Variants in SEMA3A observed in about 807,000 individuals in gnomAD.
The protein encoded by SEMA3A is semaphorin-3A.
A neutral mutation model predicts 97.9 loss-of-function variants in SEMA3A; 29 were observed. The observed-to-expected ratio is 0.30, with a 90% CI of 0.22 to 0.40. SEMA3A has a LOEUF of 0.40. SEMA3A is among the 10% of genes least tolerant of loss of function. The pLI, the probability that SEMA3A is intolerant of heterozygous loss-of-function variation, is 1.00. For missense variants in SEMA3A, 763 were observed against 951.3 expected (o/e 0.80, Z 2.60); for synonymous variants, 321 against 323.7 (o/e 0.99, Z 0.09).
In SEMA3A at chr7:83,971,291, G is replaced by C. The variant is rs529876381; in HGVS notation, c.1717+5841C>G. Among the ~76,000 whole-genome samples, 52 of 152,114 alleles carry C rather than the reference G, an allele frequency of 3.4e-4. 1 individual carries two copies. In the South Asian group the frequency reaches 0.011, roughly 31 times the overall value. On this transcript the variant is annotated intron_variant, in intron 15 of 16. Transcript: ENST00000265362. Reference sequence around the variant, plus strand: ...AAAAGAAAAATACAAAATTAGCTGGGCATGGTAGTGCATGCCTGTAATCCC... The same window carrying C: ...AAAAGAAAAATACAAAATTAGCTGGCCATGGTAGTGCATGCCTGTAATCCC...
At chr7:84,176,337 G>T (rs1797565021) in intron 1 of SEMA3A, among the ~76,000 whole-genome samples, 1 of 152,158 alleles carries the variant, frequency 6.6e-6, no homozygotes, top group Admixed American at 6.5e-5. Context: ...CTGGAATGAA[G>T]ATCAGAGGGG....
intron 2 of SEMA3A, among the ~76,000 whole-genome samples, chr7:84,310,971 C>A (rs1356685584): frequency 6.8e-6 from 1 of 146,756 alleles, no homozygotes; most frequent in Non-Finnish European, 1.5e-5. Context: ...TGCAGATTTC[C>A]AAGTGATTTT....
intron 1 of SEMA3A, among the ~76,000 whole-genome samples, chr7:84,488,347 C>T (rs200634377): frequency 6.6e-6 from 1 of 151,588 alleles, no homozygotes; most frequent in Non-Finnish European, 1.5e-5. Flanking sequence ...CACACACACA[C>T]ACATATATAT....
intron 1 of SEMA3A, among the ~76,000 whole-genome samples, chr7:84,382,702 CAAAA>C (rs377120252): frequency 0.19 from 15,824 of 81,166 alleles, 1,543 homozygotes; most frequent in East Asian, 0.44. Context: ...ACTAAAAATC[CAAAA>C]AAAAAAAAAA....
chr7:84,363,679 C>G (rs1235892914), intron 2 of SEMA3A, among the ~76,000 whole-genome samples: 1 of 151,844 alleles, frequency 6.6e-6, no homozygotes, highest in Non-Finnish European at 1.5e-5. Flanking sequence ...GTAACTTTCA[C>G]AACTATTCTG....
At chr7:84,224,648 A>G (rs991257630) in intron 3 of SEMA3A, among the ~76,000 whole-genome samples, 12 of 152,072 alleles carry the variant, frequency 7.9e-5, no homozygotes. Flanking sequence ...CAGTGTGAGG[A>G]AAGAGAGAGA....
At chr7:84,026,069 A>C (rs1791532736) in intron 6 of SEMA3A, among the ~76,000 whole-genome samples, 1 of 152,240 alleles carries the variant, frequency 6.6e-6, no homozygotes, top group South Asian at 2.1e-4. Flanking sequence ...ATTTGAACTA[A>C]ATGGTCATAA....
chr7:84,198,874 C>G (rs564235164), upstream of SEMA3A, among the ~76,000 whole-genome samples: 4 of 152,274 alleles, frequency 2.6e-5, no homozygotes, highest in African/African-American at 9.6e-5. Context: ...ATCAACACTT[C>G]CCATTTCACA....
At chr7:84,080,469 A>G (rs987560554) in intron 4 of SEMA3A, among the ~76,000 whole-genome samples, 2 of 152,194 alleles carry the variant, frequency 1.3e-5, no homozygotes, top group African/African-American at 4.8e-5. Flanking sequence ...TCATTTGGAG[A>G]AAACATACTA....
intron 1 of SEMA3A, among the ~76,000 whole-genome samples, chr7:84,459,679 TA>T (rs1172015568): frequency 6.6e-6 from 1 of 152,172 alleles, no homozygotes; most frequent in Non-Finnish European, 1.5e-5. Context: ...CAGATAACTT[TA>T]ATAATCTTAA....
intron 6 of SEMA3A, among the ~76,000 whole-genome samples, chr7:84,039,960 G>C (rs1792075730): frequency 6.6e-6 from 1 of 151,734 alleles, no homozygotes; most frequent in African/African-American, 2.4e-5. Context: ...TCATTTTATA[G>C]GGCATCTGAG....
At chr7:84,441,563 T>A (rs1027769121) in intron 1 of SEMA3A, among the ~76,000 whole-genome samples, 7 of 151,810 alleles carry the variant, frequency 4.6e-5, no homozygotes, top group Admixed American at 3.3e-4. Context: ...TAGAACACCA[T>A]CAGGCAGACC....
intron 1 of SEMA3A, among the ~76,000 whole-genome samples, chr7:84,192,246 G>C (rs571796740): frequency 6.6e-6 from 1 of 152,012 alleles, no homozygotes; most frequent in Non-Finnish European, 1.5e-5. Context: ...TTGTACTTTA[G>C]AAACAAAGTA....
At chr7:84,437,068 G>A (rs75737470) in intron 1 of SEMA3A, among the ~76,000 whole-genome samples, 1 of 152,022 alleles carries the variant, frequency 6.6e-6, no homozygotes, top group Non-Finnish European at 1.5e-5. Context: ...CTTCTCAACT[G>A]TATGTATTTT....
rs535948171 is a variant in SEMA3A, at chr7:84,322,064, T to C, written c.-168-14772A>G. Reference sequence around the variant, plus strand: ...TGGCAGGATGGAGAATGAATGCAAGTAGGGGAAATGTCAAACACTTACAAA... The same window carrying C: ...TGGCAGGATGGAGAATGAATGCAAGCAGGGGAAATGTCAAACACTTACAAA... On this transcript the variant is annotated intron_variant, in intron 2 of 3. Transcript: ENST00000424555. Among the ~76,000 whole-genome samples the C allele has an allele frequency of 5.3e-5, 8 of 151,226 alleles. No individual in the cohort carries two copies. The South Asian group carries it at 1.0e-3, about 20-fold the overall frequency.
intron 1 of SEMA3A, among the ~76,000 whole-genome samples, chr7:84,404,038 G>C (rs1373936532): frequency 6.6e-6 from 1 of 152,180 alleles, no homozygotes; most frequent in African/African-American, 2.4e-5. Flanking sequence ...AACAAAGCTG[G>C]ACGGAGAACG....
At chr7:84,305,652 T>G (rs2115842791) in intron 3 of SEMA3A, among the ~76,000 whole-genome samples, 1 of 152,128 alleles carries the variant, frequency 6.6e-6, no homozygotes, top group South Asian at 2.1e-4. Flanking sequence ...ACCAGCTCTA[T>G]GTATCACTTT....
chr7:84,346,454 T>A (rs1802302062), intron 2 of SEMA3A, among the ~76,000 whole-genome samples: 1 of 152,306 alleles, frequency 6.6e-6, no homozygotes, highest in African/African-American at 2.4e-5. Context: ...TTATAGCTTT[T>A]TATTTAAAGT....
chr7:84,250,822 G>A (rs926641083), intron 3 of SEMA3A, among the ~76,000 whole-genome samples: 1 of 152,064 alleles, frequency 6.6e-6, no homozygotes, highest in Non-Finnish European at 1.5e-5. Context: ...TACAGTTATG[G>A]AATTTTATTC....
Sources: gnomAD v4.1 joint callset for allele counts (sites outside exome capture counted in the v4.1 genomes callset) on GRCh38, gnomAD v4.1.1 for gene constraint, MANE v1.5 for transcripts, NCBI Gene and HGNC (gene_info 2026-07-23, HGNC 2026-07-21) for gene names.